FGF12: variants seen among roughly 807,000 people sequenced by gnomAD.
FGF12 encodes fibroblast growth factor 12.
In FGF12, 14 loss-of-function variants were observed where a neutral mutation model predicts 23.6. That is an observed-to-expected ratio of 0.59 (90% CI 0.39 to 0.93). The LOEUF is 0.93. Ranked by LOEUF, FGF12 falls within the 40% of genes least tolerant of loss-of-function variation. The pLI is 0.00. For synonymous variants in FGF12, 62 were observed against 77.3 expected (o/e 0.80, Z 1.04); for missense variants, 175 against 217.8 (o/e 0.80, Z 1.24).
At chr3:192,418,056 T>C (rs1294194133) in intron 2 of FGF12, among the ~76,000 whole-genome samples, 2 of 152,076 alleles carry the variant, frequency 1.3e-5, no homozygotes, top group East Asian at 3.9e-4. Flanking sequence ...TATTTTAAGA[T>C]ATTAGTCTGG....
chr3:192,156,024 T>C (rs567257901), intron 5 of FGF12, among the ~76,000 whole-genome samples: 1 of 152,216 alleles, frequency 6.6e-6, no homozygotes, highest in Non-Finnish European at 1.5e-5. Context: ...TCACCAGGAA[T>C]AGATTTGCCA....
chr3:192,509,586 A>G (rs925980111), intron 2 of FGF12, among the ~76,000 whole-genome samples: 1 of 152,224 alleles, frequency 6.6e-6, no homozygotes, highest in Non-Finnish European at 1.5e-5. Flanking sequence ...TTAAATTACA[A>G]CTTTGAAAGA....
intron 4 of FGF12, among the ~76,000 whole-genome samples, chr3:192,277,483 T>G (rs1577311839): frequency 6.6e-6 from 1 of 152,338 alleles, no homozygotes; most frequent in East Asian, 1.9e-4. Flanking sequence ...ATGCTTGGTC[T>G]GCAGTGGGGG....
At position 192,439,719 on chromosome 3, in the gene FGF12, G is replaced by C. The variant is rs183696432; in HGVS notation, c.14-79181C>G. 1.4e-4 allele frequency among the ~76,000 whole-genome samples: 21 copies of C among 152,302 alleles called. No homozygotes were observed. The East Asian group carries it at 3.9e-3, about 28-fold the overall frequency. ...TGGCCAGGCGTGGTGGCTCACGCCT[G>C]TAATCCCAGCACTTTGGGAGGCCAA... On this transcript the variant is annotated intron_variant, in intron 2 of 5. Transcript: ENST00000445105.
chr3:192,349,752 C>A (rs1718128284), intron 3 of FGF12, among the ~76,000 whole-genome samples: 1 of 152,048 alleles, frequency 6.6e-6, no homozygotes, highest in African/African-American at 2.4e-5. Flanking sequence ...CCCTTGAATT[C>A]TCTTAAATCA....
chr3:192,433,592 A>T (rs911820995), intron 2 of FGF12, among the ~76,000 whole-genome samples: 1 of 152,234 alleles, frequency 6.6e-6, no homozygotes, highest in African/African-American at 2.4e-5. Context: ...AAAACAGATG[A>T]TCAGTCTCAC....
chr3:192,408,138 C>T lies in FGF12; in HGVS notation c.14-47600G>A. ...CCCGTCTTTGCTGGGGCTGGAGCGG[C>T]GCTTGGAGGCCGACACTCGGTCGCT... On this transcript the variant is annotated intron_variant, in intron 2 of 5. Transcript: ENST00000445105. The surrounding 1 kb of genome is among the most constrained non-coding windows in gnomAD (Gnocchi z 7.3). The T allele has an allele frequency of 6.2e-7, 1 of 1,612,360 alleles. No individual in the cohort carries two copies. Among genetic ancestry groups the T allele is most frequent in the Non-Finnish European group, 8.5e-7 (1 of 1,179,964 alleles).
intron 2 of FGF12, among the ~76,000 whole-genome samples, chr3:192,378,778 T>C (rs768636459): frequency 1.8e-4 from 27 of 152,202 alleles, no homozygotes; most frequent in Non-Finnish European, 2.8e-4. Context: ...TTATTTTAGG[T>C]TCAGGGATAC....
intron 2 of FGF12, among the ~76,000 whole-genome samples, chr3:192,679,715 C>G (rs1717453030): frequency 1.3e-5 from 2 of 152,132 alleles, no homozygotes; most frequent in Admixed American, 6.5e-5. Context: ...CACTGCCAAC[C>G]AGGGATCACA....
intron 5 of FGF12, among the ~76,000 whole-genome samples, chr3:192,160,963 C>T (rs1714835617): frequency 6.6e-6 from 1 of 152,006 alleles, no homozygotes; most frequent in Admixed American, 6.6e-5. Context: ...TTATCAAGCT[C>T]CTTTAGTTAA....
Position 192,348,529 on chromosome 3 carries a change from G to A in FGF12, c.124+11899C>T, listed in dbSNP as rs926199153. 3.3e-5 allele frequency among the ~76,000 whole-genome samples: 5 copies of A among 152,066 alleles called. No homozygotes were observed. In the East Asian group the frequency reaches 7.7e-4, roughly 23 times the overall value. ...ACACATTGAAGAAAAATCCTTGCAA[G>A]TTCACTGTTTAGCCTGTCTAAAGTA... is the stretch of plus-strand genomic sequence containing the variant. On this transcript the variant is annotated intron_variant, in intron 3 of 5. Transcript: ENST00000445105.
At chr3:192,634,395 T>C (rs2108658978) in intron 2 of FGF12, among the ~76,000 whole-genome samples, 1 of 152,316 alleles carries the variant, frequency 6.6e-6, no homozygotes, top group East Asian at 1.9e-4. Context: ...TACATTGTAT[T>C]AGAAATTAAA....
chr3:192,567,778 T>TTTCC (rs1712392112), intron 2 of FGF12, among the ~76,000 whole-genome samples: 2 of 137,278 alleles, frequency 1.5e-5, no homozygotes, highest in Middle Eastern at 3.7e-3. Context: ...TCTTTCTTTC[T>TTTCC]TTCTTTCTTT....
chr3:192,359,716 A>G (rs189838466), intron 3 of FGF12, among the ~76,000 whole-genome samples: 102 of 152,206 alleles, frequency 6.7e-4, no homozygotes, highest in Non-Finnish European at 1.3e-3. Flanking sequence ...TTAACTTGTC[A>G]ACTCTAAAGT....
At position 192,194,296 on chromosome 3, in the gene FGF12, T is replaced by A. The variant is rs76624620; in HGVS notation, c.229-23640A>T. On this transcript the variant is annotated intron_variant, in intron 4 of 5. Coordinates refer to ENST00000445105, the MANE Select transcript of FGF12 (RefSeq NM_004113.6). ...GAGCCTCTTTGGCACACTGACCCAG[T>A]GATTAGTATTTTCTCACCCAGTGCA... is the stretch of plus-strand genomic sequence containing the variant. Among the ~76,000 whole-genome samples, 505 of 152,278 alleles carry A rather than the reference T, an allele frequency of 3.3e-3. 8 individuals carry two copies. The highest frequency in any genetic ancestry group is 0.031 in the East Asian group (162 of 5,184).
chr3:192,270,023 T>C (rs1713333247), intron 4 of FGF12, among the ~76,000 whole-genome samples: 1 of 152,200 alleles, frequency 6.6e-6, no homozygotes, highest in Non-Finnish European at 1.5e-5. Context: ...GTAGTATTAC[T>C]GAAAAAGAGT....
intron 2 of FGF12, among the ~76,000 whole-genome samples, chr3:192,671,514 G>A (rs1717115682): frequency 6.6e-6 from 1 of 152,100 alleles, no homozygotes. Flanking sequence ...TTTGGTAGAC[G>A]CATGGGACTA....
At chr3:192,330,485 A>G (rs532070578) in intron 4 of FGF12, among the ~76,000 whole-genome samples, 1 of 152,320 alleles carries the variant, frequency 6.6e-6, no homozygotes, top group Non-Finnish European at 1.5e-5. Context: ...TAGCCTCTCA[A>G]CAAGTGGTGT....
At chr3:192,228,262 A>T (rs1718840051) in intron 4 of FGF12, among the ~76,000 whole-genome samples, 1 of 152,128 alleles carries the variant, frequency 6.6e-6, no homozygotes, top group Admixed American at 6.6e-5. Context: ...ACATATAAAA[A>T]ATTATTTGTC....
Sources: allele counts gnomAD v4.1 joint callset (sites outside exome capture counted in the v4.1 genomes callset), GRCh38; gene constraint gnomAD v4.1.1; non-coding constraint Gnocchi (gnomAD v3.1); transcripts MANE v1.5; gene names NCBI Gene and HGNC (gene_info 2026-07-23, HGNC 2026-07-21).